GALK2: variants seen among roughly 807,000 people sequenced by gnomAD.
GALK2 encodes N-acetylgalactosamine kinase.
Under a neutral mutation model 52.4 loss-of-function variants are expected in GALK2, and 36 were observed. That is an observed-to-expected ratio of 0.69 (90% CI 0.53 to 0.91). The LOEUF (loss-of-function observed/expected upper bound fraction) is 0.91. Ranked by LOEUF, GALK2 falls within the 40% of genes least tolerant of loss-of-function variation. The pLI, the probability that GALK2 is intolerant of heterozygous loss-of-function variation, is 0.00. For missense variants in GALK2, 579 were observed against 559.1 expected, an observed-to-expected ratio of 1.04 and a Z score of -0.36; for synonymous variants, 176 against 199.1, an observed-to-expected ratio of 0.88 and a Z score of 0.98.
At chr15:49,271,981 T>C (rs904100084) in intron 5 of GALK2, among the ~76,000 whole-genome samples, 1 of 152,226 alleles carries the variant, frequency 6.6e-6, no homozygotes, top group African/African-American at 2.4e-5. Context: ...CTAGAACTTA[T>C]GGTCAACTTA....
At chr15:49,226,258 A>T (rs1184716249) in intron 3 of GALK2, among the ~76,000 whole-genome samples, 1 of 152,058 alleles carries the variant, frequency 6.6e-6, no homozygotes, top group Non-Finnish European at 1.5e-5. Flanking sequence ...AGGATTGGAG[A>T]TCTGCAGCAA....
chr15:49,214,760 A>G (rs564611541), intron 2 of GALK2, among the ~76,000 whole-genome samples: 2 of 152,324 alleles, frequency 1.3e-5, no homozygotes, highest in South Asian at 2.1e-4. Flanking sequence ...TTTTAACACT[A>G]TAGTTACAGT....
chr15:49,202,091 CCTCCCG>C (rs2087829655), intron 2 of GALK2, among the ~76,000 whole-genome samples: 1 of 152,146 alleles, frequency 6.6e-6, no homozygotes, highest in Non-Finnish European at 1.5e-5. Flanking sequence ...GCAACCTCTG[CCTCCCG>C]GGTTCAAGTG....
chr15:49,275,835 C>T lies in GALK2; in HGVS notation c.505-6152C>T, dbSNP rs530636895. On this transcript the variant is annotated intron_variant, in intron 5 of 9. Transcript: ENST00000560031. ...AATTAGATTCTCTATTAAATTGAACCCTGTTATTTCATTTCTCCTCTTACC... is the reference window on the plus strand; with the variant it reads ...AATTAGATTCTCTATTAAATTGAACTCTGTTATTTCATTTCTCCTCTTACC... Among the ~76,000 whole-genome samples, 4 of 152,122 alleles carry T rather than the reference C, an allele frequency of 2.6e-5. No homozygotes were observed. The East Asian group carries it at 5.8e-4, about 22-fold the overall frequency.
intron 2 of GALK2, among the ~76,000 whole-genome samples, chr15:49,201,878 TG>T (rs1324792614): frequency 1.3e-5 from 2 of 152,230 alleles, no homozygotes; most frequent in African/African-American, 4.8e-5. Context: ...CATTTTCTGC[TG>T]GTATAACAGA....
intron 5 of GALK2, among the ~76,000 whole-genome samples, chr15:49,277,712 C>A (rs1461153650): frequency 6.6e-6 from 1 of 150,728 alleles, no homozygotes; most frequent in East Asian, 2.1e-4. Flanking sequence ...AGGAGAATGG[C>A]GTGAACCCGG....
intron 1 of GALK2, chr15:49,156,626 G>A (rs1018988042): frequency 1.9e-5 from 10 of 521,564 alleles, no homozygotes; most frequent in African/African-American, 1.6e-4. Flanking sequence ...CCATCACTTT[G>A]ATATGATAAA....
chr15:49,264,408 C>CT (rs781583370), intron 5 of GALK2, among the ~76,000 whole-genome samples: 55 of 152,242 alleles, frequency 3.6e-4, no homozygotes, highest in Admixed American at 1.2e-3. Flanking sequence ...CGAGCCTTGG[C>CT]TTTCAGCTCC....
At chr15:49,223,799 C>T (rs375099882) in intron 3 of GALK2, among the ~76,000 whole-genome samples, 3 of 152,100 alleles carry the variant, frequency 2.0e-5, no homozygotes, top group African/African-American at 7.2e-5. Flanking sequence ...TTGATGGGCA[C>T]CTGCGTTGAT....
intron 8 of GALK2, among the ~76,000 whole-genome samples, chr15:49,317,057 A>G (rs1214542104): frequency 6.6e-6 from 1 of 152,150 alleles, no homozygotes; most frequent in Non-Finnish European, 1.5e-5. Context: ...GTATAACAAT[A>G]TGGGGGGAAT....
At chr15:49,349,661 A>C (rs1211007985) in intron 3 of GALK2, among the ~76,000 whole-genome samples, 1 of 152,166 alleles carries the variant, frequency 6.6e-6, no homozygotes, top group East Asian at 1.9e-4. Context: ...AGATTCACTG[A>C]TCAGAAATAT....
At chr15:49,338,689 G>T (rs2040197555) in intron 3 of GALK2, among the ~76,000 whole-genome samples, 1 of 152,140 alleles carries the variant, frequency 6.6e-6, no homozygotes, top group South Asian at 2.1e-4. Context: ...CTAGGTTGGG[G>T]AAGTTCTCCT....
At chr15:49,261,724 T>G (rs903980785) in intron 5 of GALK2, among the ~76,000 whole-genome samples, 1 of 152,056 alleles carries the variant, frequency 6.6e-6, no homozygotes, top group Non-Finnish European at 1.5e-5. Flanking sequence ...TAGCTCTTAT[T>G]ATTTTGAAAT....
chr15:49,367,032 A>G (rs922401295), intron 3 of GALK2, among the ~76,000 whole-genome samples: 1 of 152,168 alleles, frequency 6.6e-6, no homozygotes, highest in Non-Finnish European at 1.5e-5. Flanking sequence ...TGTGTAAAAA[A>G]TGTTCTGATA....
chr15:49,195,572 C>T (rs1275002962), intron 1 of GALK2, among the ~76,000 whole-genome samples: 1 of 151,950 alleles, frequency 6.6e-6, no homozygotes, highest in African/African-American at 2.4e-5. Flanking sequence ...ATCTTACATC[C>T]TGTTACCTTA....
intron 1 of GALK2, among the ~76,000 whole-genome samples, chr15:49,175,263 T>C (rs1205062935): frequency 1.3e-5 from 2 of 152,190 alleles, no homozygotes; most frequent in Non-Finnish European, 2.9e-5. Context: ...AGGTCTGCAG[T>C]TGTTTATCAG....
chr15:49,190,044 C>G (rs971083846), intron 1 of GALK2, among the ~76,000 whole-genome samples: 2 of 152,010 alleles, frequency 1.3e-5, no homozygotes, highest in African/African-American at 4.8e-5. Flanking sequence ...CTCAGCCTTT[C>G]TATGTGTTTT....
At chr15:49,291,722 C>T (rs2033955904) in intron 7 of GALK2, among the ~76,000 whole-genome samples, 1 of 152,202 alleles carries the variant, frequency 6.6e-6, no homozygotes. Flanking sequence ...AGAAGCCAAA[C>T]TCTTTTTCTT....
chr15:49,354,430 T>C (rs112972128), intron 3 of GALK2, among the ~76,000 whole-genome samples: 1,529 of 151,682 alleles, frequency 0.01, 21 homozygotes, highest in African/African-American at 0.035. Flanking sequence ...ATTGCCTCAC[T>C]TGGGAAGCGC....
Sources: gnomAD v4.1 joint callset for allele counts (sites outside exome capture counted in the v4.1 genomes callset) on GRCh38, gnomAD v4.1.1 for gene constraint, MANE v1.5 for transcripts, NCBI Gene and HGNC (gene_info 2026-07-23, HGNC 2026-07-21) for gene names.